Variants in CLEC2B observed in about 807,000 individuals in gnomAD.
CLEC2B encodes C-type lectin domain family 2 member B.
CLEC2B carries 14 observed loss-of-function variants against 16.2 expected under a neutral mutation model. The observed-to-expected ratio is 0.86, with a 90% CI of 0.57 to 1.35. The LOEUF is 1.35. CLEC2B is among the 40% of genes most tolerant of loss of function. The pLI is 0.00. For synonymous variants in CLEC2B, 42 were observed against 55.8 expected (o/e 0.75, Z 1.10); for missense variants, 166 against 182.3 (o/e 0.91, Z 0.52).
At position 9,853,383 on chromosome 12, in the gene CLEC2B, A is replaced by G. The variant is rs764977467; in HGVS notation, c.367T>C (p.Cys123Arg). The G allele has an allele frequency of 7.4e-6, 12 of 1,614,026 alleles. No homozygotes were observed. The highest frequency in any genetic ancestry group is 1.1e-5 in the South Asian group (1 of 91,084). The change falls in exon 5 of 5, where the codon TGT (cysteine) becomes CGT (arginine). Residue 123 changes from cysteine to arginine, a missense_variant. Cys to Arg is a radical substitution (Grantham distance 180). Coordinates refer to ENST00000228438, the MANE Select transcript of CLEC2B (RefSeq NM_005127.3). ...GCACCATCATCGCTGAGGTAGGCACATCCTTCACTCCCTCTCATGCCAAAC... is the reference window on the plus strand; with the variant it reads ...GCACCATCATCGCTGAGGTAGGCACGTCCTTCACTCCCTCTCATGCCAAAC... The part of the protein sequence containing the change: ...KSFGMRGSEG[C>R]AYLSDDGAAT...
chr12:9,860,045 A>G (rs1254448703), intron 2 of CLEC2B, among the ~76,000 whole-genome samples: 1 of 151,710 alleles, frequency 6.6e-6, no homozygotes, highest in Non-Finnish European at 1.5e-5. Context: ...TGCAAATACT[A>G]CTACTAAATT....
Position 9,862,498 on chromosome 12 carries a change from C to A in CLEC2B, c.73+1G>T. 1 of 1,447,434 alleles carries A rather than the reference C, an allele frequency of 6.9e-7. No individual in the cohort carries two copies. The highest frequency in any genetic ancestry group is 1.3e-5 in the South Asian group (1 of 79,664). The allele number at this position is 1,447,434 out of a possible 1,614,324, so 89.7% of individuals were successfully genotyped here. On this transcript the variant is annotated splice_donor_variant, in intron 2 of 4. Transcript: ENST00000228438. LOFTEE classifies it high-confidence loss of function. The stretch of plus-strand genomic sequence containing the variant: ...AAAATAAAATGAAGGATGTAACTTA[C>A]CTATCAGAGTAATAATATTAGTTGT...
rs1867853515 is a variant in CLEC2B at position 9,852,496 on chromosome 12, G to C, written c.*804C>G. 6.6e-6 allele frequency among the ~76,000 whole-genome samples: 1 copy of C among 152,158 alleles called. No homozygotes were observed. The highest frequency in any genetic ancestry group is 2.1e-4 in the South Asian group (1 of 4,830). On this transcript the variant is annotated 3_prime_UTR_variant, in exon 5 of 5. Coordinates refer to ENST00000228438, the MANE Select transcript of CLEC2B (RefSeq NM_005127.3). Reference sequence around the variant, plus strand: ...CAGTAGGTTGTTTTAATAGCTGTTAGATAAAACTGGTTTTAGGTTACAACA... The same window carrying C: ...CAGTAGGTTGTTTTAATAGCTGTTACATAAAACTGGTTTTAGGTTACAACA...
chr12:9,852,574 G>A lies in CLEC2B; in HGVS notation c.*726C>T, dbSNP rs1867854010. Among the ~76,000 whole-genome samples the A allele has an allele frequency of 6.6e-6, 1 of 152,152 alleles. No individual in the cohort carries two copies. Among genetic ancestry groups the A allele is most frequent in the Non-Finnish European group, 1.5e-5 (1 of 68,024 alleles). On this transcript the variant is annotated 3_prime_UTR_variant, in exon 5 of 5. Coordinates refer to ENST00000228438, the MANE Select transcript of CLEC2B (RefSeq NM_005127.3). ...GAATTATATTTTGAAGCAATGCTGTGTGCCCTGAGTGCCTTTTTCCCCTGG... is the reference window on the plus strand; with the variant it reads ...GAATTATATTTTGAAGCAATGCTGTATGCCCTGAGTGCCTTTTTCCCCTGG...
chr12:9,865,569 G>A (rs187119440), intron 1 of CLEC2B, among the ~76,000 whole-genome samples: 4 of 152,176 alleles, frequency 2.6e-5, no homozygotes, highest in Admixed American at 6.5e-5. Context: ...ATAATATTGG[G>A]GGACTTTAAC....
intron 1 of CLEC2B, among the ~76,000 whole-genome samples, chr12:9,863,379 A>G (rs550542468): frequency 2.6e-5 from 4 of 152,200 alleles, no homozygotes; most frequent in African/African-American, 4.8e-5. Flanking sequence ...AAATCCTTCA[A>G]CACAAAGACA....
intron 2 of CLEC2B, among the ~76,000 whole-genome samples, chr12:9,861,945 G>A (rs1867935667): frequency 6.6e-6 from 1 of 151,932 alleles, no homozygotes; most frequent in African/African-American, 2.4e-5. Context: ...TTGCAGCAGA[G>A]ACTGTATGGC....
In CLEC2B at chr12:9,853,258, A is replaced by G. The variant is rs540501947; in HGVS notation, c.*42T>C. 6.9e-7 allele frequency: 1 copy of G among 1,444,310 alleles called. No homozygotes were observed. Among genetic ancestry groups the G allele is most frequent in the Non-Finnish European group, 9.7e-7 (1 of 1,029,578 alleles). The allele number at this position is 1,444,310 out of a possible 1,614,324, so 89.5% of individuals were successfully genotyped here. A position where few individuals can be genotyped will look rare whatever the true frequency, so the allele number is the denominator to read the frequency against. ...AAGTACTTTGCTGGTTTTACACTTA[A>G]TAATGTTATTTTCTATTTTCCCCAT... On this transcript the variant is annotated 3_prime_UTR_variant, in exon 5 of 5. Coordinates refer to ENST00000228438, the MANE Select transcript of CLEC2B (RefSeq NM_005127.3).
intron 1 of CLEC2B, among the ~76,000 whole-genome samples, chr12:9,865,173 A>G (rs1053626612): frequency 1.2e-5 from 1 of 82,028 alleles, no homozygotes; most frequent in African/African-American, 4.9e-5. Context: ...ATAAAGCAAG[A>G]CTCTCTCAAA....
intron 1 of CLEC2B, among the ~76,000 whole-genome samples, chr12:9,863,504 C>T (rs962585632): frequency 3.9e-5 from 6 of 151,998 alleles, no homozygotes. Context: ...GCACTTGTAC[C>T]AAGAATTCAA....
At chr12:9,868,012 T>G (rs144333712) in intron 1 of CLEC2B, among the ~76,000 whole-genome samples, 3,238 of 151,646 alleles carry the variant, frequency 0.021, 57 homozygotes, top group Middle Eastern at 0.044. Flanking sequence ...ATATAAAAAC[T>G]GACTGAATTA....
intron 3 of CLEC2B, 167 bp from the exon 4 acceptor site, chr12:9,854,651 G>A (rs1275215112): frequency 3.9e-6 from 2 of 515,094 alleles, no homozygotes; most frequent in South Asian, 3.0e-5. Context: ...TTTTTCCTCT[G>A]ACCTTCAGTT....
At chr12:9,863,086 A>G (rs1222248735) in intron 1 of CLEC2B, among the ~76,000 whole-genome samples, 1 of 152,190 alleles carries the variant, frequency 6.6e-6, no homozygotes, top group Non-Finnish European at 1.5e-5. Flanking sequence ...GCTGTCGAGC[A>G]GCATCATGGT....
Position 9,853,083 on chromosome 12 carries a change from A to AAGAGAAAGAAAGAG in CLEC2B, c.*216_*217insCTCTTTCTTTCTCT, listed in dbSNP as rs1555123315. The AAGAGAAAGAAAGAG allele has an allele frequency of 0.017, 5,491 of 320,700 alleles. 2 individuals are homozygous for AAGAGAAAGAAAGAG. The highest frequency in any genetic ancestry group is 0.032 in the East Asian group (567 of 17,852). The allele number at this position is 320,700 out of a possible 1,614,324, so 19.9% of individuals were successfully genotyped here. A position where few individuals can be genotyped will look rare whatever the true frequency, so the allele number is the denominator to read the frequency against. ...AAAGAAAGAAAGAAAGAAAGAAAGA[A>AAGAGAAAGAAAGAG]AGAGAGAGAGAGAAAGAAAGAAAGA... is the stretch of plus-strand genomic sequence containing the variant. On this transcript the variant is annotated 3_prime_UTR_variant, in exon 5 of 5. Coordinates refer to ENST00000228438, the MANE Select transcript of CLEC2B (RefSeq NM_005127.3).
At chr12:9,860,919 A>G (rs981316557) in intron 2 of CLEC2B, among the ~76,000 whole-genome samples, 1 of 151,958 alleles carries the variant, frequency 6.6e-6, no homozygotes, top group Non-Finnish European at 1.5e-5. Context: ...GAAATAATGC[A>G]TCCTAATATC....
intron 3 of CLEC2B, 27 bp downstream of exon 3, chr12:9,857,445 TCA>T: frequency 6.5e-7 from 1 of 1,539,778 alleles, no homozygotes. Flanking sequence ...TCAAGAAAAT[TCA>T]CAAAGAATGT....
intron 3 of CLEC2B, chr12:9,856,973 C>T (rs975932875): frequency 2.0e-5 from 3 of 152,634 alleles, no homozygotes; most frequent in African/African-American, 7.2e-5. Context: ...TCACAGAAGA[C>T]ATGGTATCTG....
chr12:9,855,101 C>T (rs569386012), intron 3 of CLEC2B, among the ~76,000 whole-genome samples: 4 of 152,182 alleles, frequency 2.6e-5, no homozygotes, highest in African/African-American at 4.8e-5. Flanking sequence ...GCTTAACCCT[C>T]GACCTTTTTC....
At chr12:9,861,743 C>T (rs559145395) in intron 2 of CLEC2B, among the ~76,000 whole-genome samples, 13 of 152,038 alleles carry the variant, frequency 8.6e-5, no homozygotes, top group Middle Eastern at 3.4e-3. Flanking sequence ...TGTTTTTGTA[C>T]AACCACCAGG....
Sources: allele counts gnomAD v4.1 joint callset (sites outside exome capture counted in the v4.1 genomes callset), GRCh38; gene constraint gnomAD v4.1.1; transcripts MANE v1.5; gene names NCBI Gene and HGNC (gene_info 2026-07-23, HGNC 2026-07-21).